KRIT1: variants seen among roughly 807,000 people sequenced by gnomAD.
KRIT1 encodes krev interaction trapped protein 1.
KRIT1 carries 45 observed loss-of-function variants against 95.8 expected under a neutral mutation model. That is an observed-to-expected ratio of 0.47 (90% CI 0.37 to 0.60). The LOEUF (loss-of-function observed/expected upper bound fraction) is 0.60. KRIT1 is among the 20% of genes least tolerant of loss of function. KRIT1 has a pLI of 0.00. For synonymous variants in KRIT1, 282 were observed against 278.8 expected (o/e 1.01, Z -0.11); for missense variants, 788 against 877.5 (o/e 0.90, Z 1.29).
At chr7:92,216,603 T>C (rs766211914) in intron 14 of KRIT1, among the ~76,000 whole-genome samples, 1 of 152,136 alleles carries the variant, frequency 6.6e-6, no homozygotes, top group Non-Finnish European at 1.5e-5. Context: ...TCTTAGAAGA[T>C]GCACGTCAAA....
chr7:92,223,930 T>TTTA (rs1481044659), intron 12 of KRIT1, among the ~76,000 whole-genome samples: 4 of 152,202 alleles, frequency 2.6e-5, no homozygotes, highest in Non-Finnish European at 5.9e-5. Context: ...CCTTATTCAT[T>TTTA]CACAATATAA....
chr7:92,218,820 G>T (rs1456953941), intron 14 of KRIT1, among the ~76,000 whole-genome samples: 1 of 151,988 alleles, frequency 6.6e-6, no homozygotes, highest in Non-Finnish European at 1.5e-5. Context: ...GTCCTTTAAA[G>T]CACAAAAGTC....
chr7:92,222,239 T>C (rs1364034207), intron 13 of KRIT1, among the ~76,000 whole-genome samples, 186 bp from the exon 14 acceptor site: 1 of 152,160 alleles, frequency 6.6e-6, no homozygotes, highest in Non-Finnish European at 1.5e-5. Context: ...ATCAAGAATA[T>C]AAGAATTATT....
At chr7:92,214,043 A>T in intron 15 of KRIT1, 64 bp from the exon 16 acceptor site, 1 of 989,996 alleles carries the variant, frequency 1.0e-6, no homozygotes, top group Non-Finnish European at 1.6e-6. Context: ...TATAGTAATC[A>T]TTCTGTTACA....
In KRIT1 at chr7:92,200,076, C is replaced by A. The variant is rs1229481720; in HGVS notation, c.*660G>T. 6.6e-6 allele frequency: 1 copy of A among 152,654 alleles called. No individual in the cohort carries two copies. The highest frequency in any genetic ancestry group is 1.5e-5 in the Non-Finnish European group (1 of 68,088). 9.5% of individuals were successfully genotyped at this position (152,654 alleles called of 1,614,324 possible). On this transcript the variant is annotated 3_prime_UTR_variant, in exon 19 of 19. Transcript: ENST00000394505. ...TTGACGTTCAGTATATTTTGAAATA[C>A]ACATGAAGTTATACCAAAGCTACAT...
At chr7:92,225,960 C>T (rs918935345) in intron 11 of KRIT1, 133 bp from the exon 12 acceptor site, 17 of 637,954 alleles carry the variant, frequency 2.7e-5, no homozygotes, top group African/African-American at 2.4e-4. Context: ...ATTAACCACA[C>T]TTGGTATGTA....
rs1414075405 is a variant in KRIT1 at position 92,224,982 on chromosome 7, C to T, written c.1254+738G>A. Among the ~76,000 whole-genome samples, 3 of 151,596 alleles carry T rather than the reference C, an allele frequency of 2.0e-5. No individual in the cohort carries two copies. In the East Asian group the frequency reaches 5.8e-4, roughly 30 times the overall value. On this transcript the variant is annotated intron_variant, in intron 12 of 18. Transcript: ENST00000394505. ...AGACCATCCTAGCTAACAGTGAAAC[C>T]CCATCTCTACTAAAATTACAAAAAA...
intron 12 of KRIT1, among the ~76,000 whole-genome samples, chr7:92,225,139 C>T (rs751210551): frequency 3.3e-5 from 5 of 151,550 alleles, no homozygotes; most frequent in Non-Finnish European, 4.4e-5. Context: ...GGTGACAGAG[C>T]GAGACTCCAT....
rs886062490 is a variant in KRIT1, at chr7:92,200,674, T to G, written c.*62A>C. ...GCCAAAAGTAATATTTTAAGAAATC[T>G]TTCACGGAAAAAAAACTCTGCATTA... is the stretch of plus-strand genomic sequence containing the variant. On this transcript the variant is annotated 3_prime_UTR_variant, in exon 19 of 19. Transcript: ENST00000394505. The G allele has an allele frequency of 9.0e-7, 1 of 1,106,920 alleles. No individual in the cohort carries two copies. The highest frequency in any genetic ancestry group is 1.4e-6 in the Non-Finnish European group (1 of 719,568). 68.6% of individuals were successfully genotyped at this position (1,106,920 alleles called of 1,614,324 possible). A position where few individuals can be genotyped will look rare whatever the true frequency, so the allele number is the denominator to read the frequency against.
At position 92,235,508 on chromosome 7, in the gene KRIT1, C is replaced by G. The variant is rs751216702; in HGVS notation, c.624G>C (p.Met208Ile). ...ESGQTENSLH[M>I]GYSALEIKSK... ...TCTTTATTTCTAGTGCACTATAGCC[C>G]ATATGTAGTGAGTTTTCTGTCTGAC... is the stretch of plus-strand genomic sequence containing the variant. The change falls in exon 8 of 19, where the codon ATG becomes ATC. Residue 208 changes from methionine (M) to isoleucine (I), a missense_variant. Physicochemically the swap from Met to Ile is conservative, Grantham distance 10. This residue lies in a region of KRIT1 where 289 missense variants were observed against 277.5 expected (regional missense o/e 1.04). Transcript: ENST00000394505. The G allele has an allele frequency of 2.5e-6, 4 of 1,613,646 alleles. No individual in the cohort carries two copies. The highest frequency in any genetic ancestry group is 3.4e-6 in the Non-Finnish European group (4 of 1,179,658).
intron 10 of KRIT1, among the ~76,000 whole-genome samples, chr7:92,228,372 G>T (rs1292450311): frequency 6.6e-6 from 1 of 152,162 alleles, no homozygotes; most frequent in Non-Finnish European, 1.5e-5. Flanking sequence ...AGGGTGAGGT[G>T]GGAGGAGGAA....
chr7:92,244,439 A>G (rs991451671), intron 2 of KRIT1, among the ~76,000 whole-genome samples: 19 of 152,266 alleles, frequency 1.2e-4, no homozygotes, highest in African/African-American at 4.1e-4. Flanking sequence ...TTAAAAAGAC[A>G]TAACTATGAC....
intron 10 of KRIT1, among the ~76,000 whole-genome samples, chr7:92,228,586 T>A (rs960243230): frequency 6.6e-6 from 1 of 152,232 alleles, no homozygotes; most frequent in Non-Finnish European, 1.5e-5. Flanking sequence ...GTTTTGCTAT[T>A]CTTTTTTTAA....
intron 17 of KRIT1, among the ~76,000 whole-genome samples, chr7:92,204,467 A>G (rs1027066679): frequency 2.0e-5 from 3 of 151,822 alleles, no homozygotes; most frequent in Non-Finnish European, 2.9e-5. Context: ...TATTACTATT[A>G]TATTGTAATA....
chr7:92,238,241 C>T (rs559053719), intron 5 of KRIT1, among the ~76,000 whole-genome samples: 2 of 152,148 alleles, frequency 1.3e-5, no homozygotes, highest in Non-Finnish European at 2.9e-5. Flanking sequence ...TAAATTGTAA[C>T]TACCATTCTT....
chr7:92,209,150 T>C (rs1792218259), intron 17 of KRIT1, among the ~76,000 whole-genome samples: 1 of 151,048 alleles, frequency 6.6e-6, no homozygotes, highest in Admixed American at 6.6e-5. Context: ...CGTTTCGTGA[T>C]GAAAAAAAAA....
chr7:92,213,072 T>C (rs1339675992), intron 17 of KRIT1, 123 bp downstream of exon 17: 5 of 670,010 alleles, frequency 7.5e-6, no homozygotes, highest in South Asian at 5.2e-5. Flanking sequence ...CTTCCTCTTA[T>C]GTAATGAATG....
chr7:92,215,351 G>C (rs1793733923), intron 14 of KRIT1, among the ~76,000 whole-genome samples: 1 of 151,964 alleles, frequency 6.6e-6, no homozygotes, highest in Non-Finnish European at 1.5e-5. Context: ...GAAGATAAAA[G>C]GAAGTATCTT....
intron 17 of KRIT1, among the ~76,000 whole-genome samples, chr7:92,210,858 A>G (rs1792646826): frequency 6.6e-6 from 1 of 152,232 alleles, no homozygotes; most frequent in South Asian, 2.1e-4. Context: ...TCCCATTATA[A>G]AGTAGGCAAT....
Sources: gnomAD v4.1 joint callset for allele counts (sites outside exome capture counted in the v4.1 genomes callset) on GRCh38, gnomAD v4.1.1 for gene constraint, gnomAD v4.1.1 regional missense constraint, MANE v1.5 for transcripts, NCBI Gene and HGNC (gene_info 2026-07-23, HGNC 2026-07-21) for gene names.